The following GET1 variants were observed in gnomAD, a reference collection of about 807,000 sequenced individuals.
GET1 encodes the protein congenital heart disease 5 protein.
Under a neutral mutation model 22.6 loss-of-function variants are expected in GET1, and 20 were observed. That is an observed-to-expected ratio of 0.89 (90% CI 0.62 to 1.29). GET1 has a LOEUF of 1.29. Ranked by LOEUF, GET1 falls within the 50% of genes most tolerant of loss-of-function variation. The pLI, the probability that GET1 is intolerant of heterozygous loss-of-function variation, is 0.00. For missense variants in GET1, 209 were observed against 219.9 expected (o/e 0.95, Z 0.31); for synonymous variants, 92 against 83.8 (o/e 1.10, Z -0.53).
chr21:39,387,409 A>G (rs74876120), intron 1 of GET1, among the ~76,000 whole-genome samples: 1 of 152,232 alleles, frequency 6.6e-6, no homozygotes, highest in Non-Finnish European at 1.5e-5. Flanking sequence ...GAAATTATCA[A>G]AAAGTCCTTA....
intron 1 of GET1, among the ~76,000 whole-genome samples, chr21:39,419,641 G>GA (rs1477834186): frequency 6.6e-6 from 1 of 152,086 alleles, no homozygotes; most frequent in Non-Finnish European, 1.5e-5. Context: ...GGCCTTTTGG[G>GA]AGGTGATTAG....
chr21:39,405,925 T>G (rs897685259), exon 5 of GET1: 2 of 1,609,826 alleles, frequency 1.2e-6, no homozygotes, highest in Non-Finnish European at 1.7e-6. Flanking sequence ...TGACGATGGC[T>G]TAATAGAATT....
At chr21:39,391,079 C>A in intron 2 of GET1, 1 of 416,628 alleles carries the variant, frequency 2.4e-6, no homozygotes, top group Non-Finnish European at 4.1e-6. Flanking sequence ...AAGATCCTCT[C>A]AGATTTTCCT....
chr21:39,387,703 C>G, intron 1 of GET1: 1 of 837,674 alleles, frequency 1.2e-6, no homozygotes, highest in South Asian at 5.5e-5. Flanking sequence ...CCCCCCCCCA[C>G]TTTTGCCTCA....
chr21:39,391,417 C>A, intron 2 of GET1: 1 of 284,606 alleles, frequency 3.5e-6, no homozygotes, highest in Non-Finnish European at 6.7e-6. Flanking sequence ...AGCTGGACTC[C>A]CACCAGGGGT....
chr21:39,384,922 A>G (rs867847836), intron 1 of GET1, among the ~76,000 whole-genome samples: 3 of 152,172 alleles, frequency 2.0e-5, no homozygotes, highest in Middle Eastern at 3.2e-3. Flanking sequence ...GAAGGATAAC[A>G]TAATTATTAT....
At chr21:39,428,232 G>T in exon 2 of GET1, 2 of 1,601,574 alleles carry the variant, frequency 1.2e-6, no homozygotes, top group Non-Finnish European at 1.7e-6. Flanking sequence ...TTTACCACAG[G>T]CTGCTTTAAA....
intron 1 of GET1, among the ~76,000 whole-genome samples, chr21:39,414,869 G>A (rs570573631): frequency 6.6e-6 from 1 of 151,790 alleles, no homozygotes; most frequent in African/African-American, 2.4e-5. Context: ...GAAATTCTTT[G>A]TTAGATCTGG....
chr21:39,422,267 T>C (rs1157383299), intron 1 of GET1: 1 of 152,392 alleles, frequency 6.6e-6, no homozygotes, highest in East Asian at 1.9e-4. Flanking sequence ...TTTATGTTTA[T>C]GTCTATACAG....
chr21:39,402,948 T>C (rs80075925), intron 4 of GET1, among the ~76,000 whole-genome samples: 95 of 152,332 alleles, frequency 6.2e-4, no homozygotes, highest in Non-Finnish European at 1.2e-3. Context: ...CAGGCTTAGA[T>C]TGTATTTTTA....
chr21:39,406,789 G>A, downstream of GET1: 1 of 526,042 alleles, frequency 1.9e-6, no homozygotes, highest in Non-Finnish European at 3.3e-6. Flanking sequence ...TAACAAATGT[G>A]TTATGTTACA....
chr21:39,397,277 CA>C lies in GET1; in HGVS notation c.*342del, dbSNP rs2038713615. On this transcript the variant is annotated 3_prime_UTR_variant, in exon 5 of 5. Coordinates refer to ENST00000649170, the MANE Select transcript of GET1 (RefSeq NM_004627.6). The stretch of plus-strand genomic sequence containing the variant: ...TTGGTCATATTGCCAACTGGAAAGT[CA>C]AAATTTTCTAACAACTTTAAGTAAG... The C allele has an allele frequency of 2.4e-5, 5 of 207,644 alleles. No individual in the cohort carries two copies. The South Asian group carries it at 6.3e-4, about 26-fold the overall frequency. 12.9% of individuals were successfully genotyped at this position (207,644 alleles called of 1,614,324 possible). A position where few individuals can be genotyped will look rare whatever the true frequency, so the allele number is the denominator to read the frequency against.
downstream of GET1, among the ~76,000 whole-genome samples, chr21:39,400,974 G>A (rs2038824496): frequency 6.6e-6 from 1 of 151,448 alleles, no homozygotes; most frequent in African/African-American, 2.4e-5. Context: ...GCAGTGACAT[G>A]ATCATAGCTC....
At chr21:39,392,034 G>A (rs750697808) in intron 3 of GET1, 198 bp downstream of exon 3, 2 of 556,380 alleles carry the variant, frequency 3.6e-6, no homozygotes, top group Non-Finnish European at 6.3e-6. Flanking sequence ...GAGGAGAGTT[G>A]TTAAAGTTTG....
At chr21:39,421,188 C>T (rs772386668) in intron 1 of GET1, among the ~76,000 whole-genome samples, 1 of 151,658 alleles carries the variant, frequency 6.6e-6, no homozygotes, top group Non-Finnish European at 1.5e-5. Context: ...CTGCAGCCTC[C>T]ACCTCCTGGG....
chr21:39,410,493 A>G, downstream of GET1: 1 of 554,506 alleles, frequency 1.8e-6, no homozygotes, highest in Non-Finnish European at 3.1e-6. Context: ...TAAATATTCA[A>G]TATATATATA....
At chr21:39,389,110 T>C (rs1017255811) in intron 1 of GET1, among the ~76,000 whole-genome samples, 2 of 151,942 alleles carry the variant, frequency 1.3e-5, no homozygotes, top group Non-Finnish European at 1.5e-5. Context: ...TTCCCTTCCT[T>C]CCTTCACCAG....
chr21:39,404,750 C>CAAAAAAAAAAAAAAAAA (rs748914343), intron 4 of GET1, among the ~76,000 whole-genome samples: 1 of 88,168 alleles, frequency 1.1e-5, no homozygotes, highest in African/African-American at 4.6e-5. Context: ...GAGACACTGT[C>CAAAAAAAAAAAAAAAAA]AAAAAAAAAA....
intron 1 of GET1, among the ~76,000 whole-genome samples, chr21:39,381,258 G>A (rs983230699): frequency 7.2e-5 from 11 of 152,100 alleles, no homozygotes; most frequent in South Asian, 2.1e-4. Flanking sequence ...GGTACCTTGG[G>A]AACTGTCCCC....
Sources: gnomAD v4.1 joint callset for allele counts (sites outside exome capture counted in the v4.1 genomes callset) on GRCh38, gnomAD v4.1.1 for gene constraint, MANE v1.5 for transcripts, NCBI Gene and HGNC (gene_info 2026-07-23, HGNC 2026-07-21) for gene names.